Variants in RYR3 observed in about 807,000 individuals in gnomAD.
The protein encoded by RYR3 is brain ryanodine receptor-calcium release channel.
Under a neutral mutation model 584.3 loss-of-function variants are expected in RYR3, and 207 were observed. The ratio of observed to expected loss-of-function variants is 0.35; its 90% CI spans 0.32 to 0.40. The LOEUF (loss-of-function observed/expected upper bound fraction) is 0.40. RYR3 is among the 10% of genes least tolerant of loss of function. The pLI, the probability that RYR3 is intolerant of heterozygous loss-of-function variation, is 1.00. For missense variants in RYR3, 5,616 were observed against 6,089.2 expected (o/e 0.92, Z 2.59); for synonymous variants, 2,416 against 2,248.5 (o/e 1.07, Z -2.11).
At chr15:33,554,540 C>T (rs528010246) in intron 10 of RYR3, among the ~76,000 whole-genome samples, 62 of 152,274 alleles carry the variant, frequency 4.1e-4, no homozygotes, top group Non-Finnish European at 8.5e-4. Context: ...TCGTGATCCG[C>T]CCGCCTCGGC....
At chr15:33,830,002 G>A (rs941712382) in intron 85 of RYR3, among the ~76,000 whole-genome samples, 1 of 152,210 alleles carries the variant, frequency 6.6e-6, no homozygotes, top group African/African-American at 2.4e-5. Context: ...TCTCATGGAT[G>A]AGCAAAGAAA....
At position 33,663,674 on chromosome 15, in the gene RYR3, G is replaced by A. The variant is rs1432536910; in HGVS notation, c.5556G>A (p.Leu1852=). 2 of 1,612,474 alleles carry A rather than the reference G, an allele frequency of 1.2e-6. No homozygotes were observed. Among genetic ancestry groups the A allele is most frequent in the South Asian group, 1.1e-5 (1 of 90,662 alleles). Residue 1852 remains leucine (L), a synonymous_variant, in exon 36 of 104, where the codon CTG becomes CTA. Transcript: ENST00000634891. ...GCTACAATGAGCTCATGCAGGCCCT[G>A]AACATGTCTGCGGCCCTGACTGCCC... ...KFRYNELMQA[L]NMSAALTARK...
At chr15:33,539,520 G>C (rs78144907) in intron 6 of RYR3, 58 bp downstream of exon 6, 29,712 of 1,045,348 alleles carry the variant, frequency 0.028, 550 homozygotes, top group Non-Finnish European at 0.035. Context: ...TTTAGGAATA[G>C]ATGGCCATGA....
chr15:33,770,435 T>C (rs1163872029), intron 62 of RYR3, among the ~76,000 whole-genome samples: 1 of 152,194 alleles, frequency 6.6e-6, no homozygotes, highest in Non-Finnish European at 1.5e-5. Flanking sequence ...TTAGTAATTA[T>C]TCCTGACAAA....
chr15:33,780,470 T>C, intron 65 of RYR3, 129 bp downstream of exon 65: 1 of 873,618 alleles, frequency 1.1e-6, no homozygotes, highest in Admixed American at 2.8e-5. Flanking sequence ...GAGGTGAGGT[T>C]AGGGACTAGG....
intron 5 of RYR3, 168 bp from the exon 6 acceptor site, chr15:33,539,182 A>G: frequency 1.9e-6 from 1 of 539,448 alleles, no homozygotes; most frequent in South Asian, 2.5e-5. Context: ...AGTCAAGAGC[A>G]GATGGGGGGC....
intron 32 of RYR3, among the ~76,000 whole-genome samples, chr15:33,657,038 G>A (rs1240516566): frequency 3.3e-5 from 5 of 152,162 alleles, no homozygotes; most frequent in Admixed American, 6.5e-5. Flanking sequence ...GGGCCTTCTC[G>A]AATCCTGCTT....
chr15:33,741,698 C>T lies in RYR3; in HGVS notation c.7821-668C>T, dbSNP rs572982874. Among the ~76,000 whole-genome samples, 22 of 152,250 alleles carry T rather than the reference C, an allele frequency of 1.4e-4. No homozygotes were observed. In the South Asian group the frequency reaches 4.1e-3, roughly 29 times the overall value. On this transcript the variant is annotated intron_variant, in intron 51 of 103. Transcript: ENST00000634891. ...GTGCCATCTCAACTCACTGCAAGCT[C>T]CACCTCCTGGGTTCACGTCATTCTC...
Position 33,633,103 on chromosome 15 carries a change from C to A in RYR3, c.3022C>A (p.Gln1008Lys), listed in dbSNP as rs1390234369. ...AAAACAAGGATGGACCTATGGCATC[C>A]AACAGGTAAGAAATTCTGGGTCAGG... is the stretch of plus-strand genomic sequence containing the variant. The part of the protein sequence containing the change: ...RIKQGWTYGI[Q>K]QDLKNKRNPR... Residue 1008 changes from glutamine to lysine, a missense_variant, in exon 24 of 104, where the codon CAA becomes AAA. By Grantham distance (53) the Gln-to-Lys change is moderately conservative. Transcript: ENST00000634891. The A allele has an allele frequency of 6.2e-7, 1 of 1,611,844 alleles. No individual in the cohort carries two copies. Among genetic ancestry groups the A allele is most frequent in the South Asian group, 1.1e-5 (1 of 90,548 alleles).
chr15:33,707,443 A>C (rs1014528896), intron 43 of RYR3, among the ~76,000 whole-genome samples: 10 of 152,206 alleles, frequency 6.6e-5, no homozygotes, highest in Non-Finnish European at 1.3e-4. Context: ...GGATGGATGA[A>C]TGAATAAAAT....
chr15:33,860,461 G>A (rs558183755), intron 100 of RYR3, 134 bp from the exon 101 acceptor site: 20 of 543,652 alleles, frequency 3.7e-5, no homozygotes, highest in East Asian at 2.1e-4. Flanking sequence ...AAAGAAACAC[G>A]AGTATTATTT....
chr15:33,787,221 A>G (rs1596582861), intron 66 of RYR3, among the ~76,000 whole-genome samples: 1 of 152,128 alleles, frequency 6.6e-6, no homozygotes, highest in African/African-American at 2.4e-5. Flanking sequence ...ACCCCAAATC[A>G]CCCACATAAG....
At chr15:33,533,676 T>C (rs77311334) in intron 5 of RYR3, among the ~76,000 whole-genome samples, 4,384 of 152,270 alleles carry the variant, frequency 0.029, 71 homozygotes, top group Non-Finnish European at 0.04. Flanking sequence ...ACAAATCATT[T>C]GTGATAAGAA....
At chr15:33,864,291 ATCCCGTGAATGCATTT>A in intron 103 of RYR3, 102 bp downstream of exon 103, 1 of 856,892 alleles carries the variant, frequency 1.2e-6, no homozygotes, top group Non-Finnish European at 1.8e-6. Context: ...GGCCCCATTA[ATCCCGTGAATGCATTT>A]TCCCATCACC....
chr15:33,541,516 T>C (rs1220935844), intron 7 of RYR3, among the ~76,000 whole-genome samples: 1 of 152,180 alleles, frequency 6.6e-6, no homozygotes, highest in Non-Finnish European at 1.5e-5. Context: ...ACCTCACTCA[T>C]AGGTAATACC....
At chr15:33,359,401 C>T (rs1051269261) in intron 1 of RYR3, among the ~76,000 whole-genome samples, 7 of 152,158 alleles carry the variant, frequency 4.6e-5, no homozygotes, top group African/African-American at 1.7e-4. Flanking sequence ...TTGGCTTCAG[C>T]CTCAGCAGCT....
intron 103 of RYR3, 49 bp from the exon 104 acceptor site, chr15:33,865,082 G>A: frequency 6.8e-7 from 1 of 1,477,590 alleles, no homozygotes; most frequent in South Asian, 1.2e-5. Context: ...CTGGGTTTTA[G>A]CTTTTACTGT....
At chr15:33,522,445 G>T (rs951983543) in intron 3 of RYR3, among the ~76,000 whole-genome samples, 1 of 152,128 alleles carries the variant, frequency 6.6e-6, no homozygotes, top group South Asian at 2.1e-4. Flanking sequence ...TCTTCACAAA[G>T]TTCCCTGAAG....
At position 33,670,429 on chromosome 15, in the gene RYR3, GGAAGAA is replaced by G; in HGVS notation, c.5736_5741del (p.Glu1918_Glu1919del). 1 of 1,613,420 alleles carries G rather than the reference GGAAGAA, an allele frequency of 6.2e-7. No homozygotes were observed. The highest frequency in any genetic ancestry group is 8.5e-7 in the Non-Finnish European group (1 of 1,179,716). On this transcript the variant is annotated inframe_deletion, in exon 38 of 104. Transcript: ENST00000634891. The stretch of plus-strand genomic sequence containing the variant: ...TCTGTGGCTTGCTAGGGGTTCCTTT[GGAAGAA>G]GAGGAAGAGGAGGAGGAGGACACCT...
Sources: gnomAD v4.1 joint callset for allele counts (sites outside exome capture counted in the v4.1 genomes callset) on GRCh38, gnomAD v4.1.1 for gene constraint, MANE v1.5 for transcripts, NCBI Gene and HGNC (gene_info 2026-07-23, HGNC 2026-07-21) for gene names.